Variants in ATP2B2 observed in about 807,000 individuals in gnomAD.
The protein encoded by ATP2B2 is plasma membrane calcium-transporting ATPase 2.
In ATP2B2, 15 loss-of-function variants were observed where a neutral mutation model predicts 120.0. The observed-to-expected ratio is 0.12, with a 90% CI of 0.08 to 0.19. ATP2B2 has a LOEUF of 0.19. Ranked by LOEUF, ATP2B2 falls within the 10% of genes least tolerant of loss-of-function variation. The pLI is 1.00. For synonymous variants in ATP2B2, 694 were observed against 700.3 expected (o/e 0.99, Z 0.14); for missense variants, 1,045 against 1,719.8 (o/e 0.61, Z 6.94).
At chr3:10,512,945 G>A (rs1400368320) in intron 3 of ATP2B2, among the ~76,000 whole-genome samples, 5 of 152,202 alleles carry the variant, frequency 3.3e-5, no homozygotes, top group Admixed American at 6.5e-5. Flanking sequence ...TGTAAAATGC[G>A]CACGATGCCA....
intron 2 of ATP2B2, among the ~76,000 whole-genome samples, chr3:10,543,126 T>C (rs1302640528): frequency 1.3e-5 from 2 of 152,246 alleles, no homozygotes; most frequent in Admixed American, 1.3e-4. Flanking sequence ...TACTGATTCC[T>C]GGCAGGCCCC....
At chr3:10,494,087 C>T (rs6807064) in intron 1 of ATP2B2, among the ~76,000 whole-genome samples, 52,206 of 151,938 alleles carry the variant, frequency 0.34, 9,660 homozygotes, top group African/African-American at 0.48. Context: ...CACTTGGCAA[C>T]GGGGAGCACT....
intron 2 of ATP2B2, among the ~76,000 whole-genome samples, chr3:10,573,889 T>C (rs2125548806): frequency 6.6e-6 from 1 of 152,334 alleles, no homozygotes; most frequent in African/African-American, 2.4e-5. Context: ...ATACGGCGTC[T>C]GCCTGGTCCT....
chr3:10,470,294 G>A (rs1457275465), intron 1 of ATP2B2, among the ~76,000 whole-genome samples: 1 of 152,130 alleles, frequency 6.6e-6, no homozygotes, highest in Non-Finnish European at 1.5e-5. Context: ...AGGTGTAGGT[G>A]TTGTTTTCAT....
chr3:10,343,369 G>T lies in ATP2B2; in HGVS notation c.2704-404C>A, dbSNP rs1037852682. ...CCCCCCACTGCCTCCTCCCCCTCGGGCTTTCTATCCTACAAACAGTGCCCG... is the reference window on the plus strand; with the variant it reads ...CCCCCCACTGCCTCCTCCCCCTCGGTCTTTCTATCCTACAAACAGTGCCCG... On this transcript the variant is annotated intron_variant, in intron 18 of 22. Coordinates refer to ENST00000360273, the MANE Select transcript of ATP2B2 (RefSeq NM_001001331.4). The surrounding 1 kb of genome is among the most constrained non-coding windows in gnomAD (Gnocchi z 4.2). Among the ~76,000 whole-genome samples, 6 of 149,208 alleles carry T rather than the reference G, an allele frequency of 4.0e-5. No individual in the cohort carries two copies. Among genetic ancestry groups the T allele is most frequent in the South Asian group, 4.3e-4 (2 of 4,676 alleles).
At chr3:10,601,490 C>T (rs1223351328) in intron 2 of ATP2B2, among the ~76,000 whole-genome samples, 2 of 152,166 alleles carry the variant, frequency 1.3e-5, no homozygotes, top group African/African-American at 2.4e-5. Context: ...CCTTGCTGGG[C>T]CTCGGTTACC....
At chr3:10,633,565 T>C (rs1407459838) in intron 1 of ATP2B2, among the ~76,000 whole-genome samples, 2 of 152,234 alleles carry the variant, frequency 1.3e-5, no homozygotes, top group Non-Finnish European at 2.9e-5. Context: ...TCTCTGATGG[T>C]AATACATGGG....
intron 21 of ATP2B2, chr3:10,338,690 T>C (rs2060195981): frequency 2.8e-6 from 1 of 362,192 alleles, no homozygotes; most frequent in Non-Finnish European, 5.2e-6. Flanking sequence ...CAGACAACCC[T>C]GGTCCTGTGG....
Position 10,471,748 on chromosome 3 carries a change from C to T in ATP2B2, c.-319-21886G>A, listed in dbSNP as rs557358386. 3.3e-5 allele frequency among the ~76,000 whole-genome samples: 5 copies of T among 151,976 alleles called. No homozygotes were observed. The South Asian group carries it at 8.3e-4, about 25-fold the overall frequency. ...TGTATACATCAAAGCATCATATTGTCCCCCATAAATGTATACAATTATGAT... is the reference window on the plus strand; with the variant it reads ...TGTATACATCAAAGCATCATATTGTTCCCCATAAATGTATACAATTATGAT... On this transcript the variant is annotated intron_variant, in intron 1 of 22. Coordinates refer to ENST00000360273, the MANE Select transcript of ATP2B2 (RefSeq NM_001001331.4).
intron 2 of ATP2B2, among the ~76,000 whole-genome samples, chr3:10,609,002 C>G (rs2069157140): frequency 6.6e-6 from 1 of 152,220 alleles, no homozygotes; most frequent in Admixed American, 6.5e-5. Flanking sequence ...AGCAACCTTC[C>G]TTCCCCGGAA....
chr3:10,536,819 C>T (rs1347060028), intron 2 of ATP2B2, among the ~76,000 whole-genome samples: 1 of 152,244 alleles, frequency 6.6e-6, no homozygotes, highest in Admixed American at 6.5e-5. Flanking sequence ...TGAGCCACCA[C>T]ACCCAGCCTC....
chr3:10,538,388 C>T (rs2067364068), intron 2 of ATP2B2, among the ~76,000 whole-genome samples: 1 of 152,146 alleles, frequency 6.6e-6, no homozygotes, highest in Admixed American at 6.5e-5. Flanking sequence ...AGGCCAGCAT[C>T]ATCCTGATAC....
intron 2 of ATP2B2, among the ~76,000 whole-genome samples, chr3:10,600,137 T>C (rs2068868065): frequency 6.6e-6 from 1 of 152,230 alleles, no homozygotes; most frequent in Non-Finnish European, 1.5e-5. Flanking sequence ...GCCACACCCC[T>C]GCACTGCCCT....
At chr3:10,605,276 T>C (rs954685152) in intron 2 of ATP2B2, among the ~76,000 whole-genome samples, 47 of 152,342 alleles carry the variant, frequency 3.1e-4, no homozygotes, top group Non-Finnish European at 5.7e-4. Flanking sequence ...AGGCTAAGCA[T>C]TTCCATACGT....
At chr3:10,344,598 T>C (rs771808270) in intron 18 of ATP2B2, among the ~76,000 whole-genome samples, 2 of 152,182 alleles carry the variant, frequency 1.3e-5, no homozygotes, top group African/African-American at 4.8e-5. Flanking sequence ...GGGGATCCCC[T>C]GGGGCTAAGG....
At chr3:10,374,951 G>A (rs896422805) in intron 11 of ATP2B2, among the ~76,000 whole-genome samples, 5 of 152,226 alleles carry the variant, frequency 3.3e-5, no homozygotes, top group Middle Eastern at 3.2e-3. Context: ...TTTTACAAGC[G>A]CTACAGTTGC....
In ATP2B2 at chr3:10,378,242, CT is replaced by C; in HGVS notation, c.1201+9del. On this transcript the variant is annotated intron_variant, in intron 10 of 22. Coordinates refer to ENST00000360273, the MANE Select transcript of ATP2B2 (RefSeq NM_001001331.4). Reference sequence around the variant, plus strand: ...AGCCCTGTCCCCTGCCTCCCACCTGCTGCACTCACCCGCCTTCCCGATCTGC... The same window carrying C: ...AGCCCTGTCCCCTGCCTCCCACCTGCGCACTCACCCGCCTTCCCGATCTGC... 1 of 1,604,606 alleles carries C rather than the reference CT, an allele frequency of 6.2e-7. No individual in the cohort carries two copies. The highest frequency in any genetic ancestry group is 8.5e-7 in the Non-Finnish European group (1 of 1,179,870).
intron 1 of ATP2B2, among the ~76,000 whole-genome samples, chr3:10,478,735 C>T (rs2065292983): frequency 6.6e-6 from 1 of 152,212 alleles, no homozygotes; most frequent in Non-Finnish European, 1.5e-5. Flanking sequence ...CTGCACAGCC[C>T]ATGTCCTTGT....
chr3:10,335,652 T>C (rs1018013712), intron 22 of ATP2B2, among the ~76,000 whole-genome samples: 2 of 152,232 alleles, frequency 1.3e-5, no homozygotes, highest in Non-Finnish European at 2.9e-5. Flanking sequence ...TTGCTCCCCT[T>C]GACCCACAGT....
Sources: gnomAD v4.1 joint callset for allele counts (sites outside exome capture counted in the v4.1 genomes callset) on GRCh38, gnomAD v4.1.1 for gene constraint, Gnocchi (gnomAD v3.1) non-coding constraint, MANE v1.5 for transcripts, NCBI Gene and HGNC (gene_info 2026-07-23, HGNC 2026-07-21) for gene names.